Variants in BCAT1 observed in about 807,000 individuals in gnomAD.
The protein encoded by BCAT1 is branched chain amino acid transaminase 1, also known as branched-chain-amino-acid aminotransferase, cytosolic.
In BCAT1, 48 loss-of-function variants were observed where a neutral mutation model predicts 52.4. The ratio of observed to expected loss-of-function variants is 0.92; its 90% CI spans 0.73 to 1.16. BCAT1 has a LOEUF of 1.16. BCAT1 is among the 50% of genes most tolerant of loss of function. The pLI is 0.00. For missense variants in BCAT1, 451 were observed against 457.1 expected (o/e 0.99, Z 0.12); for synonymous variants, 167 against 161.3 (o/e 1.04, Z -0.27).
rs750882081 is a variant in BCAT1, at chr12:24,878,667, A to G, written c.391-18T>C. 4 of 1,589,012 alleles carry G rather than the reference A, an allele frequency of 2.5e-6. No homozygotes were observed. Among genetic ancestry groups the G allele is most frequent in the East Asian group, 2.2e-5 (1 of 44,584 alleles). On this transcript the variant is annotated intron_variant, in intron 4 of 10. Coordinates refer to ENST00000261192, the MANE Select transcript of BCAT1 (RefSeq NM_005504.7). ...TCAAATACCTGAAAGAATGAAAAAC[A>G]TAATAAATGACAGAATTTTCTCACA...
intron 1 of BCAT1, among the ~76,000 whole-genome samples, chr12:24,925,778 G>A (rs1943569054): frequency 6.6e-6 from 1 of 152,226 alleles, no homozygotes; most frequent in Admixed American, 6.5e-5. Flanking sequence ...TTTTGGTGGA[G>A]ACGGGGTTTC....
chr12:24,903,062 C>A lies in BCAT1; in HGVS notation c.7-1177G>T, dbSNP rs1019047231. ...GCGCGCGGCTGGAAGCGAAAGCAGG[C>A]GGTGTGGCCAAGCCCCGGCGCACGG... On this transcript the variant is annotated intron_variant, in intron 1 of 10. Transcript: ENST00000261192. The A allele has an allele frequency of 8.6e-6, 12 of 1,391,898 alleles. No individual in the cohort carries two copies. In the Admixed American group the frequency reaches 2.7e-4, roughly 31 times the overall value. 86.2% of individuals were successfully genotyped at this position (1,391,898 alleles called of 1,614,324 possible).
Position 24,816,854 on chromosome 12 carries a change from G to T in BCAT1, c.*1154C>A. 2 of 320,508 alleles carry T rather than the reference G, an allele frequency of 6.2e-6. No individual in the cohort carries two copies. Among genetic ancestry groups the T allele is most frequent in the Non-Finnish European group, 5.7e-6 (1 of 176,766 alleles). The allele number at this position is 320,508 out of a possible 1,614,324, so 19.9% of individuals were successfully genotyped here. ...ATAGCCTAGATCCCTTGCATGCAGAGTTCACAATAGGATTTGTGCTCCTAT... is the reference window on the plus strand; with the variant it reads ...ATAGCCTAGATCCCTTGCATGCAGATTTCACAATAGGATTTGTGCTCCTAT... On this transcript the variant is annotated 3_prime_UTR_variant, in exon 11 of 11. Coordinates refer to ENST00000261192, the MANE Select transcript of BCAT1 (RefSeq NM_005504.7).
intron 6 of BCAT1, among the ~76,000 whole-genome samples, chr12:24,846,945 A>G (rs1361337292): frequency 6.6e-6 from 1 of 152,194 alleles, no homozygotes; most frequent in Non-Finnish European, 1.5e-5. Flanking sequence ...GAGAGGATTC[A>G]GTTGTAGAAG....
chr12:24,819,652 C>T (rs1358166106), intron 10 of BCAT1, among the ~76,000 whole-genome samples: 1 of 152,174 alleles, frequency 6.6e-6, no homozygotes, highest in African/African-American at 2.4e-5. Flanking sequence ...GATGTTCTTT[C>T]TCCTATATCA....
chr12:24,911,483 C>T (rs768733940), intron 1 of BCAT1, among the ~76,000 whole-genome samples: 1 of 152,212 alleles, frequency 6.6e-6, no homozygotes, highest in Non-Finnish European at 1.5e-5. Context: ...AGAATGAGCA[C>T]GTGCCAATCT....
At chr12:24,939,616 C>A (rs1296717512) in intron 1 of BCAT1, among the ~76,000 whole-genome samples, 1 of 152,130 alleles carries the variant, frequency 6.6e-6, no homozygotes, top group Non-Finnish European at 1.5e-5. Flanking sequence ...GCAGGTGGAC[C>A]ACCTGAGGTC....
At chr12:24,834,926 A>C in intron 8 of BCAT1, 1 of 302,208 alleles carries the variant, frequency 3.3e-6, no homozygotes, top group Non-Finnish European at 4.9e-6. Flanking sequence ...GACCCCCTAC[A>C]TGCCTCTTGG....
intron 5 of BCAT1, among the ~76,000 whole-genome samples, chr12:24,867,217 C>G (rs961706269): frequency 6.6e-6 from 1 of 152,084 alleles, no homozygotes; most frequent in South Asian, 2.1e-4. Context: ...ACTCCAGACA[C>G]GACACCTTTA....
In BCAT1 at chr12:24,836,523, CA is replaced by C. The variant is rs1408784202; in HGVS notation, c.890del (p.Leu297ArgfsTer20). On this transcript the variant is annotated frameshift_variant, in exon 8 of 11. Transcript: ENST00000261192. LOFTEE classifies it high-confidence loss of function. ...CAAAGGCACCCACCCACTGATGTGC[CA>C]GGTCCAGAATGCACCGCCTTGTCAC... ...PGVTRRCILDLAHQWGEFKVS... is the reference protein window; with the variant it reads ...PGVTRRCILDXAHQWGEFKVS... 2 of 1,612,642 alleles carry C rather than the reference CA, an allele frequency of 1.2e-6. No homozygotes were observed. Among genetic ancestry groups the C allele is most frequent in the Non-Finnish European group, 1.7e-6 (2 of 1,179,364 alleles).
intron 5 of BCAT1, among the ~76,000 whole-genome samples, chr12:24,862,171 C>A (rs1040624507): frequency 6.6e-6 from 1 of 152,172 alleles, no homozygotes; most frequent in Non-Finnish European, 1.5e-5. Context: ...TATGGAGCAG[C>A]CATTCTTTTC....
intron 1 of BCAT1, among the ~76,000 whole-genome samples, chr12:24,935,885 CCAA>C (rs992983594): frequency 1.3e-5 from 2 of 152,182 alleles, no homozygotes; most frequent in African/African-American, 4.8e-5. Flanking sequence ...TCAGCCCTCA[CCAA>C]CAACACATTA....
Position 24,816,566 on chromosome 12 carries a change from A to C in BCAT1, c.*1442T>G, listed in dbSNP as rs554162200. 7.6e-6 allele frequency: 3 copies of C among 395,272 alleles called. No homozygotes were observed. The highest frequency in any genetic ancestry group is 2.6e-4 in the South Asian group (2 of 7,680). 24.5% of individuals were successfully genotyped at this position (395,272 alleles called of 1,614,324 possible). ...CCTGCAAAAACAGAGTATAAAAATCAGAGTATGCCTCTTTGTTTTCTACCA... is the reference window on the plus strand; with the variant it reads ...CCTGCAAAAACAGAGTATAAAAATCCGAGTATGCCTCTTTGTTTTCTACCA... On this transcript the variant is annotated 3_prime_UTR_variant, in exon 11 of 11. Coordinates refer to ENST00000261192, the MANE Select transcript of BCAT1 (RefSeq NM_005504.7).
intron 7 of BCAT1, among the ~76,000 whole-genome samples, chr12:24,841,554 C>G (rs1268207903): frequency 6.6e-6 from 1 of 152,086 alleles, no homozygotes; most frequent in Non-Finnish European, 1.5e-5. Context: ...ATAATCAGTA[C>G]ATCTAGAGCC....
At chr12:24,873,538 T>G (rs1474175015) in intron 5 of BCAT1, among the ~76,000 whole-genome samples, 4 of 152,240 alleles carry the variant, frequency 2.6e-5, no homozygotes, top group African/African-American at 9.6e-5. Flanking sequence ...TCCTGTATTA[T>G]GTATTTATGT....
intron 10 of BCAT1, among the ~76,000 whole-genome samples, chr12:24,828,923 C>T (rs758614112): frequency 7.4e-4 from 113 of 152,020 alleles, no homozygotes; most frequent in Admixed American, 1.3e-3. Flanking sequence ...AGAAGAATCG[C>T]TTGAACCCAG....
At chr12:24,836,474 C>T (rs1426018259) in intron 8 of BCAT1, 37 bp downstream of exon 8, 2 of 1,530,682 alleles carry the variant, frequency 1.3e-6, no homozygotes, top group Non-Finnish European at 1.8e-6. Flanking sequence ...TTTTTTATTT[C>T]AGGCTTACAA....
At chr12:24,824,117 A>G (rs1211031553) in intron 10 of BCAT1, among the ~76,000 whole-genome samples, 1 of 152,176 alleles carries the variant, frequency 6.6e-6, no homozygotes, top group East Asian at 1.9e-4. Context: ...CATGTCTGCC[A>G]AACACCTCCA....
At position 24,849,803 on chromosome 12, in the gene BCAT1, C is replaced by T. The variant is rs1403040695; in HGVS notation, c.657G>A (p.Gly219=). The change falls in exon 6 of 11, where the codon GGG becomes GGA. Residue 219 remains glycine, a synonymous_variant. Coordinates refer to ENST00000261192, the MANE Select transcript of BCAT1 (RefSeq NM_005504.7). ...TTACTTACCCTCCCATCTTGCAGTC[C>T]CCAGTTCCACCTTTCCAGGCTCTTA... ...KYVRAWKGGT[G]DCKMGGNYGS... 6.2e-7 allele frequency: 1 copy of T among 1,611,112 alleles called. No individual in the cohort carries two copies. Among genetic ancestry groups the T allele is most frequent in the South Asian group, 1.1e-5 (1 of 90,738 alleles).
Sources: gnomAD v4.1 joint callset for allele counts (sites outside exome capture counted in the v4.1 genomes callset) on GRCh38, gnomAD v4.1.1 for gene constraint, MANE v1.5 for transcripts, NCBI Gene and HGNC (gene_info 2026-07-23, HGNC 2026-07-21) for gene names.